The following CACNA1D variants were observed in gnomAD, a reference collection of about 807,000 sequenced individuals.
CACNA1D encodes calcium voltage-gated channel subunit alpha1 D.
CACNA1D carries 55 observed loss-of-function variants against 257.1 expected under a neutral mutation model. That is an observed-to-expected ratio of 0.21 (90% CI 0.17 to 0.27). The LOEUF is 0.27. CACNA1D is among the 10% of genes least tolerant of loss of function. CACNA1D has a pLI of 1.00. For synonymous variants in CACNA1D, 980 were observed against 1,014.9 expected (o/e 0.97, Z 0.65); for missense variants, 1,876 against 2,784.0 (o/e 0.67, Z 7.34).
intron 30 of CACNA1D, among the ~76,000 whole-genome samples, chr3:53,762,819 A>G (rs2095311125): frequency 1.1e-4 from 16 of 152,244 alleles, no homozygotes; most frequent in Admixed American, 1.0e-3. Flanking sequence ...TTCCCCTGAA[A>G]AAGAGTGGGG....
intron 39 of CACNA1D, among the ~76,000 whole-genome samples, chr3:53,784,053 C>T (rs561937426): frequency 5.9e-5 from 9 of 152,192 alleles, no homozygotes; most frequent in African/African-American, 2.2e-4. Flanking sequence ...TGTGGCCTGG[C>T]TCCTCATGAG....
At chr3:53,566,033 A>G (rs1295500784) in intron 3 of CACNA1D, among the ~76,000 whole-genome samples, 3 of 152,230 alleles carry the variant, frequency 2.0e-5, no homozygotes, top group Non-Finnish European at 4.4e-5. Context: ...AAGTAACATC[A>G]GTTCTCTACA....
intron 25 of CACNA1D, 23 bp from the exon 26 acceptor site, chr3:53,747,279 C>T (rs2095179129): frequency 6.2e-7 from 1 of 1,611,446 alleles, no homozygotes; most frequent in Non-Finnish European, 8.5e-7. Context: ...AGCCAGACGA[C>T]CCACACCTGT....
chr3:53,673,957 C>CTG lies in CACNA1D; in HGVS notation c.1220+834_1220+835dup. 1 of 720,760 alleles carries CTG rather than the reference C, an allele frequency of 1.4e-6. No individual in the cohort carries two copies. Among genetic ancestry groups the CTG allele is most frequent in the East Asian group, 2.6e-5 (1 of 37,954 alleles). 44.6% of individuals were successfully genotyped at this position (720,760 alleles called of 1,614,324 possible). A position where few individuals can be genotyped will look rare whatever the true frequency, so the allele number is the denominator to read the frequency against. ...CTCAGTGTGTTGCTTTTGGATTGAA[C>CTG]TGTGATTCTTTCTGCCTGTATCTGT... On this transcript the variant is annotated intron_variant, in intron 8 of 47. Transcript: ENST00000350061. The surrounding 1 kb of genome is among the most constrained non-coding windows in gnomAD (Gnocchi z 4.1).
intron 3 of CACNA1D, among the ~76,000 whole-genome samples, chr3:53,571,560 G>A (rs1203501124): frequency 1.3e-5 from 2 of 151,996 alleles, no homozygotes; most frequent in Non-Finnish European, 1.5e-5. Context: ...TTTCATAATA[G>A]TCATGACAGG....
chr3:53,538,670 C>G (rs2092207978), intron 3 of CACNA1D, among the ~76,000 whole-genome samples: 1 of 152,126 alleles, frequency 6.6e-6, no homozygotes, highest in Non-Finnish European at 1.5e-5. Context: ...TCTCTGATAG[C>G]TTTCTCTCTT....
At chr3:53,781,331 G>A (rs1294103085) in intron 38 of CACNA1D, among the ~76,000 whole-genome samples, 1 of 152,190 alleles carries the variant, frequency 6.6e-6, no homozygotes, top group African/African-American at 2.4e-5. Context: ...TTGAATCCCA[G>A]GGTGAACCGT....
At chr3:53,513,523 A>G (rs2091207464) in intron 3 of CACNA1D, among the ~76,000 whole-genome samples, 1 of 152,258 alleles carries the variant, frequency 6.6e-6, no homozygotes, top group African/African-American at 2.4e-5. Context: ...GATTGCAGCT[A>G]CTCAGGAGGC....
rs1219200418 is a variant in CACNA1D at position 53,673,663 on chromosome 3, T to C, written c.1220+537T>C. On this transcript the variant is annotated intron_variant, in intron 8 of 47. Transcript: ENST00000350061. The surrounding 1 kb of genome is among the most constrained non-coding windows in gnomAD (Gnocchi z 4.1). Reference sequence around the variant, plus strand: ...GGTTTGGCAGCTGCAACTGGGGCTCTGCTCTTTAGTAAATGGATAACTGAT... The same window carrying C: ...GGTTTGGCAGCTGCAACTGGGGCTCCGCTCTTTAGTAAATGGATAACTGAT... The C allele has an allele frequency of 7.2e-7, 1 of 1,385,206 alleles. No individual in the cohort carries two copies. Among genetic ancestry groups the C allele is most frequent in the Admixed American group, 1.7e-5 (1 of 59,738 alleles). 85.8% of individuals were successfully genotyped at this position (1,385,206 alleles called of 1,614,324 possible). A position where few individuals can be genotyped will look rare whatever the true frequency, so the allele number is the denominator to read the frequency against.
chr3:53,633,866 CAAGTTGTAGA>C (rs2093850996), intron 3 of CACNA1D, among the ~76,000 whole-genome samples: 1 of 152,142 alleles, frequency 6.6e-6, no homozygotes, highest in South Asian at 2.1e-4. Context: ...AGCAGAATCA[CAAGTTGTAGA>C]AAGTAGTAAT....
At chr3:53,752,708 CTT>C (rs2095236490) in intron 28 of CACNA1D, among the ~76,000 whole-genome samples, 1 of 152,148 alleles carries the variant, frequency 6.6e-6, no homozygotes, top group African/African-American at 2.4e-5. Flanking sequence ...CCTTTGGACA[CTT>C]TGATCTGGGC....
intron 3 of CACNA1D, among the ~76,000 whole-genome samples, chr3:53,592,181 A>G (rs997184447): frequency 1.3e-5 from 2 of 152,242 alleles, no homozygotes; most frequent in Non-Finnish European, 2.9e-5. Context: ...TGTCCACGAC[A>G]TAGGTGGTGC....
At chr3:53,595,412 C>A (rs1297388696) in intron 3 of CACNA1D, among the ~76,000 whole-genome samples, 1 of 152,162 alleles carries the variant, frequency 6.6e-6, no homozygotes, top group Non-Finnish European at 1.5e-5. Flanking sequence ...GGCACCTTTC[C>A]CCCATCCCAC....
At chr3:53,517,841 T>A (rs548550171) in intron 3 of CACNA1D, among the ~76,000 whole-genome samples, 1 of 152,322 alleles carries the variant, frequency 6.6e-6, no homozygotes, top group Non-Finnish European at 1.5e-5. Flanking sequence ...TTGAGATAGG[T>A]ATTTACTGTG....
At chr3:53,560,980 G>A (rs1419716112) in intron 3 of CACNA1D, among the ~76,000 whole-genome samples, 1 of 152,200 alleles carries the variant, frequency 6.6e-6, no homozygotes, top group Non-Finnish European at 1.5e-5. Context: ...AGCCAAAGTA[G>A]CTTCTCAGTC....
intron 3 of CACNA1D, among the ~76,000 whole-genome samples, chr3:53,534,435 CCT>C (rs1187564157): frequency 6.6e-6 from 1 of 152,254 alleles, no homozygotes; most frequent in Non-Finnish European, 1.5e-5. Context: ...CCCTCCACGT[CCT>C]GAGGGGATAG....
intron 20 of CACNA1D, 68 bp from the exon 21 acceptor site, chr3:53,740,212 C>A: frequency 8.9e-7 from 1 of 1,117,392 alleles, no homozygotes; most frequent in Non-Finnish European, 1.4e-6. Context: ...GGGTTTCTGC[C>A]TGTAAGCATG....
In CACNA1D at chr3:53,535,011, A is replaced by G. The variant is rs576929735; in HGVS notation, c.483+33291A>G. On this transcript the variant is annotated intron_variant, in intron 3 of 47. Coordinates refer to ENST00000350061, the MANE Select transcript of CACNA1D (RefSeq NM_001128840.3). The stretch of plus-strand genomic sequence containing the variant: ...TTCCTCTCTAACACAAATTGCTCCA[A>G]TAGGCCGGCACCTTTTCCTCTCCGT... Among the ~76,000 whole-genome samples the G allele has an allele frequency of 7.9e-5, 12 of 152,114 alleles. No homozygotes were observed. In the South Asian group the frequency reaches 2.1e-3, roughly 26 times the overall value.
intron 3 of CACNA1D, among the ~76,000 whole-genome samples, chr3:53,629,629 C>T (rs2108106427): frequency 6.6e-6 from 1 of 152,308 alleles, no homozygotes. Flanking sequence ...GGCGCAGATG[C>T]TTTCTTTGCT....
Sources: gnomAD v4.1 joint callset for allele counts (sites outside exome capture counted in the v4.1 genomes callset) on GRCh38, gnomAD v4.1.1 for gene constraint, Gnocchi (gnomAD v3.1) non-coding constraint, MANE v1.5 for transcripts, NCBI Gene and HGNC (gene_info 2026-07-23, HGNC 2026-07-21) for gene names.